The following ADARB2 variants were observed in gnomAD, a reference collection of about 807,000 sequenced individuals.
The protein encoded by ADARB2 is inactive double-stranded RNA-specific editase B2.
ADARB2 carries 25 observed loss-of-function variants against 62.2 expected under a neutral mutation model. The observed-to-expected ratio is 0.40, with a 90% CI of 0.29 to 0.56. The LOEUF (loss-of-function observed/expected upper bound fraction) is 0.56. Ranked by LOEUF, ADARB2 falls within the 20% of genes least tolerant of loss-of-function variation. The pLI is 0.43. For synonymous variants in ADARB2, 572 were observed against 500.8 expected, an observed-to-expected ratio of 1.14 and a Z score of -1.90; for missense variants, 1,071 against 1,077.4, an observed-to-expected ratio of 0.99 and a Z score of 0.08.
intron 3 of ADARB2, among the ~76,000 whole-genome samples, chr10:1,302,353 T>A (rs4880819): frequency 0.45 from 67,644 of 149,782 alleles, 16,057 homozygotes; most frequent in East Asian, 0.78. Flanking sequence ...CGAGATTATA[T>A]CCCACACCTG....
Position 1,363,141 on chromosome 10 carries a change from G to C in ADARB2, c.964C>G (p.Arg322Gly). 1 of 1,547,928 alleles carries C rather than the reference G, an allele frequency of 6.5e-7. No individual in the cohort carries two copies. Among genetic ancestry groups the C allele is most frequent in the South Asian group, 1.2e-5 (1 of 85,398 alleles). Reference protein sequence around the residue: ...VDGRTFEGSGRSKKLARGQAA... With the variant: ...VDGRTFEGSGGSKKLARGQAA... ...TGACCCCGGGCCAGCTTCTTGCTGC[G>C]CCCCGAGCCCTCGAACGTCCTGCCG... The change falls in exon 3 of 10, where the codon CGC (arginine) becomes GGC (glycine). Residue 322 changes from arginine (R) to glycine (G), a missense_variant. Transcript: ENST00000381312.
At chr10:1,380,968 T>A (rs1471600053) in intron 1 of ADARB2, among the ~76,000 whole-genome samples, 4 of 152,236 alleles carry the variant, frequency 2.6e-5, no homozygotes, top group Non-Finnish European at 4.4e-5. Flanking sequence ...CTAAACTATT[T>A]CAGACTTTAC....
chr10:1,320,054 C>T (rs1017406760), intron 3 of ADARB2, among the ~76,000 whole-genome samples: 15 of 152,210 alleles, frequency 9.9e-5, no homozygotes, highest in Non-Finnish European at 1.5e-4. Flanking sequence ...GGCCTCAGCT[C>T]ACCTCTTACT....
intron 4 of ADARB2, among the ~76,000 whole-genome samples, chr10:1,243,482 GCGCTTCT>G (rs1830947302): frequency 6.7e-6 from 1 of 150,352 alleles, no homozygotes; most frequent in Non-Finnish European, 1.5e-5. Context: ...CTGGTCATGA[GCGCTTCT>G]CGCTTCTCAC....
At chr10:1,226,097 C>A (rs1830742848) in intron 6 of ADARB2, among the ~76,000 whole-genome samples, 1 of 152,108 alleles carries the variant, frequency 6.6e-6, no homozygotes, top group South Asian at 2.1e-4. Flanking sequence ...TTCTTGGAGG[C>A]TTTCTTCATT....
chr10:1,711,063 A>G (rs1287706733), intron 1 of ADARB2, among the ~76,000 whole-genome samples: 1 of 151,800 alleles, frequency 6.6e-6, no homozygotes, highest in Admixed American at 6.6e-5. Context: ...GGCCTGGCCC[A>G]CCCCGAGCTT....
chr10:1,236,283 G>T (rs1340045586), intron 5 of ADARB2, among the ~76,000 whole-genome samples: 2 of 16,994 alleles, frequency 1.2e-4, no homozygotes, highest in Admixed American at 6.3e-4. Context: ...ACTCCCCTCT[G>T]CCTCCCGGTG....
chr10:1,329,091 A>C (rs1831904279), intron 3 of ADARB2, among the ~76,000 whole-genome samples: 1 of 151,684 alleles, frequency 6.6e-6, no homozygotes, highest in Non-Finnish European at 1.5e-5. Flanking sequence ...GCTCTGATTA[A>C]ATATGAAGTT....
intron 1 of ADARB2, among the ~76,000 whole-genome samples, chr10:1,481,856 CA>C (rs34445492): frequency 0.26 from 35,495 of 134,874 alleles, 4,441 homozygotes; most frequent in Middle Eastern, 0.36. Flanking sequence ...GACTCCATCT[CA>C]AAAAAAAAAA....
At chr10:1,630,122 G>A (rs1286445725) in intron 1 of ADARB2, among the ~76,000 whole-genome samples, 2 of 152,120 alleles carry the variant, frequency 1.3e-5, no homozygotes, top group Non-Finnish European at 2.9e-5. Flanking sequence ...CAGGTCCTTT[G>A]GCTTTGAGTG....
At chr10:1,275,412 G>T (rs1284367008) in intron 3 of ADARB2, among the ~76,000 whole-genome samples, 1 of 152,222 alleles carries the variant, frequency 6.6e-6, no homozygotes, top group Admixed American at 6.5e-5. Context: ...CTGCAGGGCG[G>T]CTCCAGGCAG....
At chr10:1,189,804 CGTGGCGCT>C (rs1836814441) in intron 8 of ADARB2, among the ~76,000 whole-genome samples, 2 of 119,588 alleles carry the variant, frequency 1.7e-5, no homozygotes, top group Admixed American at 1.6e-4. Flanking sequence ...CCCCAGAACA[CGTGGCGCT>C]ACCTCCTTCC....
At chr10:1,522,559 G>A (rs1289763969) in intron 1 of ADARB2, among the ~76,000 whole-genome samples, 2 of 152,144 alleles carry the variant, frequency 1.3e-5, no homozygotes, top group Admixed American at 6.5e-5. Context: ...CGAGGACAAC[G>A]TCTCCACTTT....
intron 3 of ADARB2, among the ~76,000 whole-genome samples, chr10:1,335,476 G>T (rs1831965415): frequency 7.1e-6 from 1 of 141,698 alleles, no homozygotes; most frequent in African/African-American, 2.6e-5. Flanking sequence ...AGGGTGGGGG[G>T]TGAAGGAATG....
At chr10:1,670,628 G>A (rs1309686528) in intron 1 of ADARB2, among the ~76,000 whole-genome samples, 1 of 152,204 alleles carries the variant, frequency 6.6e-6, no homozygotes, top group Non-Finnish European at 1.5e-5. Context: ...AAGGAACCTG[G>A]TGCCTGGACA....
At chr10:1,228,458 T>C (rs751187902) in intron 6 of ADARB2, among the ~76,000 whole-genome samples, 1 of 152,214 alleles carries the variant, frequency 6.6e-6, no homozygotes, top group Admixed American at 6.5e-5. Flanking sequence ...CCAGGGCCAC[T>C]AAAGGACCCG....
rs546876197 is a variant in ADARB2 at position 1,704,941 on chromosome 10, G to A, written c.100+32110C>T. On this transcript the variant is annotated intron_variant, in intron 1 of 9. Transcript: ENST00000381312. This position sits in a 1 kb window ranked among gnomAD's most constrained non-coding sequence, Gnocchi z 5.6. ...ACCATGAGGGCGTGGGCACCACCCA[G>A]CCATGAGTCTCAGAGGCAATAACCC... is the stretch of plus-strand genomic sequence containing the variant. Among the ~76,000 whole-genome samples, 2 of 152,196 alleles carry A rather than the reference G, an allele frequency of 1.3e-5. No homozygotes were observed. Among genetic ancestry groups the A allele is most frequent in the South Asian group, 2.1e-4 (1 of 4,814 alleles).
chr10:1,653,610 C>G (rs111638390), intron 1 of ADARB2, among the ~76,000 whole-genome samples: 1 of 142,160 alleles, frequency 7.0e-6, no homozygotes, highest in African/African-American at 2.5e-5. Flanking sequence ...CCACCCAACG[C>G]CTTCTGTGCC....
At chr10:1,580,490 A>G (rs1246040541) in intron 1 of ADARB2, among the ~76,000 whole-genome samples, 1 of 143,080 alleles carries the variant, frequency 7.0e-6, no homozygotes, top group African/African-American at 2.5e-5. Context: ...AGATGAGAAA[A>G]TTTGTCTTAA....
Sources: allele counts gnomAD v4.1 joint callset (sites outside exome capture counted in the v4.1 genomes callset), GRCh38; gene constraint gnomAD v4.1.1; non-coding constraint Gnocchi (gnomAD v3.1); transcripts MANE v1.5; gene names NCBI Gene and HGNC (gene_info 2026-07-23, HGNC 2026-07-21).